MARK2: variants seen among roughly 807,000 people sequenced by gnomAD.
MARK2 encodes the protein serine/threonine-protein kinase MARK2.
In MARK2, 16 loss-of-function variants were observed where a neutral mutation model predicts 89.8. That is an observed-to-expected ratio of 0.18 (90% CI 0.12 to 0.27). The LOEUF is 0.27. Among genes scored for constraint, MARK2 ranks in the 10% least tolerant of loss-of-function variants. MARK2 has a pLI of 1.00. For missense variants in MARK2, 621 were observed against 1,049.9 expected (o/e 0.59, Z 5.65); for synonymous variants, 382 against 399.5 (o/e 0.96, Z 0.52).
chr11:63,875,232 T>A (rs1182001530), intron 1 of MARK2, among the ~76,000 whole-genome samples: 3 of 151,592 alleles, frequency 2.0e-5, no homozygotes, highest in Admixed American at 6.6e-5. Context: ...GCGATTCTCC[T>A]GCCTCAGCCT....
chr11:63,905,219 C>T (rs1375840880), intron 16 of MARK2, among the ~76,000 whole-genome samples, 176 bp downstream of exon 16: 1 of 152,128 alleles, frequency 6.6e-6, no homozygotes, highest in African/African-American at 2.4e-5. Context: ...ACCTTATGTG[C>T]CCAGGCCCAC....
At chr11:63,856,699 A>G (rs1005920710) in intron 1 of MARK2, among the ~76,000 whole-genome samples, 1 of 150,634 alleles carries the variant, frequency 6.6e-6, no homozygotes, top group African/African-American at 2.4e-5. Context: ...CTAGGATTAC[A>G]GGTATGAGCC....
intron 1 of MARK2, among the ~76,000 whole-genome samples, chr11:63,874,368 C>T (rs760548810): frequency 1.3e-5 from 2 of 152,176 alleles, no homozygotes; most frequent in Non-Finnish European, 2.9e-5. Flanking sequence ...ACCCTTAAGA[C>T]ATCTCCTCTT....
chr11:63,860,866 A>T (rs1325587523), intron 1 of MARK2, among the ~76,000 whole-genome samples: 2 of 152,222 alleles, frequency 1.3e-5, no homozygotes, highest in East Asian at 3.9e-4. Context: ...TCAATGAAAA[A>T]AAAAAACAAA....
At chr11:63,905,083 G>C in intron 16 of MARK2, 40 bp downstream of exon 16, 1 of 1,589,122 alleles carries the variant, frequency 6.3e-7, no homozygotes, top group Non-Finnish European at 8.6e-7. Context: ...GCTCAGGCCA[G>C]GCCTTCCTGC....
rs1274770804 is a variant in MARK2 at position 63,903,740 on chromosome 11, C to T, written c.1515-246C>T. On this transcript the variant is annotated intron_variant, in intron 14 of 18. Transcript: ENST00000402010. This position sits in a 1 kb window ranked among gnomAD's most constrained non-coding sequence, Gnocchi z 5.1. ...CCTGGAGGCAGCGGCCCCTTGTCTGCTCTCCTTCATTTCTGATTCCTCTTC... is the reference window on the plus strand; with the variant it reads ...CCTGGAGGCAGCGGCCCCTTGTCTGTTCTCCTTCATTTCTGATTCCTCTTC... Among the ~76,000 whole-genome samples, 1 of 152,070 alleles carries T rather than the reference C, an allele frequency of 6.6e-6. No homozygotes were observed. The highest frequency in any genetic ancestry group is 2.4e-5 in the African/African-American group (1 of 41,388).
At chr11:63,864,378 G>A (rs1046314679) in intron 1 of MARK2, among the ~76,000 whole-genome samples, 1 of 151,928 alleles carries the variant, frequency 6.6e-6, no homozygotes, top group Non-Finnish European at 1.5e-5. Flanking sequence ...TCATCCTCCC[G>A]AGTAGCTGGG....
intron 1 of MARK2, among the ~76,000 whole-genome samples, chr11:63,879,554 T>C (rs2135284692): frequency 6.6e-6 from 1 of 151,846 alleles, no homozygotes; most frequent in South Asian, 2.1e-4. Flanking sequence ...ATTCCACAAC[T>C]TAGGTGCCCT....
intron 1 of MARK2, among the ~76,000 whole-genome samples, chr11:63,851,813 C>G (rs1000166145): frequency 6.6e-6 from 1 of 152,004 alleles, no homozygotes; most frequent in Non-Finnish European, 1.5e-5. Flanking sequence ...TCAGTAAAGC[C>G]AGGCTTGGCA....
intron 1 of MARK2, among the ~76,000 whole-genome samples, chr11:63,885,080 G>A (rs1939314131): frequency 6.6e-6 from 1 of 152,046 alleles, no homozygotes; most frequent in South Asian, 2.1e-4. Flanking sequence ...GCCCATGCCT[G>A]TAGCCCCAGG....
chr11:63,910,656 T>TTA lies in MARK2; in HGVS notation c.*1420_*1421insAT, dbSNP rs1554990117. ...TATTTTTTATTATTTTATTTTATTT[T>TTA]TTTTTTTTTTGATTTATGATGACTC... is the stretch of plus-strand genomic sequence containing the variant. On this transcript the variant is annotated 3_prime_UTR_variant, in exon 19 of 19. Coordinates refer to ENST00000402010, the MANE Select transcript of MARK2 (RefSeq NM_001039469.3). 5 of 148,018 alleles carry TTA rather than the reference T, an allele frequency of 3.4e-5. No individual in the cohort carries two copies. The highest frequency in any genetic ancestry group is 1.2e-4 in the African/African-American group (5 of 40,594). The allele number at this position is 148,018 out of a possible 1,614,324, so 9.2% of individuals were successfully genotyped here. A position where few individuals can be genotyped will look rare whatever the true frequency, so the allele number is the denominator to read the frequency against.
chr11:63,905,349 C>A (rs1590706831), intron 16 of MARK2, among the ~76,000 whole-genome samples: 1 of 152,308 alleles, frequency 6.6e-6, no homozygotes, highest in Admixed American at 6.5e-5. Context: ...TAAAAGCCCC[C>A]CCTTCTCTCC....
intron 1 of MARK2, among the ~76,000 whole-genome samples, chr11:63,840,311 T>G (rs1229140705): frequency 6.6e-6 from 1 of 152,178 alleles, no homozygotes; most frequent in Non-Finnish European, 1.5e-5. Flanking sequence ...CGTTTGGGGT[T>G]CCAATCATCA....
chr11:63,842,849 C>T (rs942401402), intron 1 of MARK2, among the ~76,000 whole-genome samples: 1 of 152,176 alleles, frequency 6.6e-6, no homozygotes, highest in African/African-American at 2.4e-5. Flanking sequence ...TCTCCCTCTT[C>T]TTTAAAAATG....
intron 1 of MARK2, among the ~76,000 whole-genome samples, chr11:63,870,869 T>TG (rs995801001): frequency 5.3e-5 from 8 of 151,972 alleles, no homozygotes; most frequent in South Asian, 2.1e-4. Flanking sequence ...GGCCAAGACC[T>TG]GGGGGGGTCT....
chr11:63,873,356 G>A (rs1367023212), intron 1 of MARK2, among the ~76,000 whole-genome samples: 3 of 152,096 alleles, frequency 2.0e-5, no homozygotes, highest in African/African-American at 7.2e-5. Flanking sequence ...CTTAGGTTGG[G>A]TGCATCTTCC....
intron 1 of MARK2, among the ~76,000 whole-genome samples, chr11:63,891,165 G>A (rs1939825445): frequency 6.6e-6 from 1 of 151,158 alleles, no homozygotes; most frequent in South Asian, 2.1e-4. Context: ...TTTGTGAACA[G>A]CAGGTCTTGA....
intron 16 of MARK2, 146 bp downstream of exon 16, chr11:63,905,189 G>A: frequency 4.2e-6 from 4 of 943,660 alleles, no homozygotes; most frequent in Non-Finnish European, 6.2e-6. Context: ...GGAAGCACAA[G>A]AAATTAGGTC....
intron 16 of MARK2, 99 bp downstream of exon 16, chr11:63,905,142 G>A (rs1941225540): frequency 1.5e-6 from 2 of 1,364,802 alleles, no homozygotes; most frequent in Non-Finnish European, 1.0e-6. Context: ...GGGACACTCT[G>A]TACCGGTATT....
Sources: gnomAD v4.1 joint callset for allele counts (sites outside exome capture counted in the v4.1 genomes callset) on GRCh38, gnomAD v4.1.1 for gene constraint, Gnocchi (gnomAD v3.1) non-coding constraint, MANE v1.5 for transcripts, NCBI Gene and HGNC (gene_info 2026-07-23, HGNC 2026-07-21) for gene names.